KRT79: variants seen among roughly 807,000 people sequenced by gnomAD.
The protein encoded by KRT79 is keratin 79.
Under a neutral mutation model 49.0 loss-of-function variants are expected in KRT79, and 51 were observed. The ratio of observed to expected loss-of-function variants is 1.04; its 90% CI spans 0.83 to 1.31. The LOEUF (loss-of-function observed/expected upper bound fraction) is 1.31. KRT79 is among the 40% of genes most tolerant of loss of function. KRT79 has a pLI of 0.00. For missense variants in KRT79, 728 were observed against 688.0 expected, an observed-to-expected ratio of 1.06 and a Z score of -0.65; for synonymous variants, 312 against 286.6, an observed-to-expected ratio of 1.09 and a Z score of -0.90.
At chr12:52,822,163 A>G in intron 8 of KRT79, 86 bp from the exon 9 acceptor site, 1 of 1,434,968 alleles carries the variant, frequency 7.0e-7, no homozygotes, top group Non-Finnish European at 9.7e-7. Flanking sequence ...GAATCAGAAC[A>G]AAATCAAGCA....
At chr12:52,824,053 C>A (rs760308350) in intron 5 of KRT79, 41 bp from the exon 6 acceptor site, 3 of 1,613,698 alleles carry the variant, frequency 1.9e-6, no homozygotes, top group Non-Finnish European at 2.5e-6. Context: ...CAAATGGCCC[C>A]AGCCCACCCT....
At position 52,823,889 on chromosome 12, in the gene KRT79, G is replaced by T. The variant is rs377436423; in HGVS notation, c.1144C>A (p.Gln382Lys). 1.2e-6 allele frequency: 2 copies of T among 1,613,024 alleles called. No homozygotes were observed. Among genetic ancestry groups the T allele is most frequent in the Middle Eastern group, 1.8e-4 (1 of 5,672 alleles). ...CCAAGCCCCCAGTAGAGTCCCACCTGCTTCTTGGCTGCATCAGCCTCCCCC... is the reference window on the plus strand; with the variant it reads ...CCAAGCCCCCAGTAGAGTCCCACCTTCTTCTTGGCTGCATCAGCCTCCCCC... ...LQGEADAAKK[Q>K]CQQLQTAIAE... The change falls in exon 6 of 9, where the codon CAG becomes AAG. Residue 382 changes from glutamine to lysine, a missense_variant and splice_region_variant. Gln to Lys is a moderately conservative substitution (Grantham distance 53, BLOSUM62 1). Transcript: ENST00000330553.
chr12:52,823,667 G>A (rs1404720389), intron 6 of KRT79, among the ~76,000 whole-genome samples: 1 of 152,152 alleles, frequency 6.6e-6, no homozygotes, highest in Non-Finnish European at 1.5e-5. Context: ...CTTGGAGAAG[G>A]TTGTCCCACC....
Position 52,830,253 on chromosome 12 carries a change from G to A in KRT79, c.738C>T (p.Asn246=), listed in dbSNP as rs114878829. 3.8e-3 allele frequency: 6,076 copies of A among 1,614,156 alleles called. 200 individuals carry two copies. In the African/African-American group the frequency reaches 0.069, roughly 18 times the overall value. The change falls in exon 3 of 9, where the codon AAC becomes AAT. Residue 246 remains asparagine, a synonymous_variant. Coordinates refer to ENST00000330553, the MANE Select transcript of KRT79 (RefSeq NM_175834.3). ...DEINKHTAAE[N]EFVVLKKDVD... ...TCACCTTCTTGAGCACCACAAACTC[G>A]TTCTCTGCAGCAGTGTGCTTGTTGA...
At chr12:52,828,342 T>C (rs1285445585) in intron 4 of KRT79, among the ~76,000 whole-genome samples, 1 of 152,188 alleles carries the variant, frequency 6.6e-6, no homozygotes, top group Non-Finnish European at 1.5e-5. Flanking sequence ...GTTAACAGAC[T>C]AACAGTCCCT....
At chr12:52,822,211 A>G (rs745419378) in intron 8 of KRT79, 134 bp from the exon 9 acceptor site, 5 of 1,276,246 alleles carry the variant, frequency 3.9e-6, no homozygotes, top group Non-Finnish European at 3.4e-6. Context: ...GCCCAGAACT[A>G]GGACCCTCTG....
At chr12:52,822,446 T>G in intron 7 of KRT79, 67 bp from the exon 8 acceptor site, 1 of 1,081,814 alleles carries the variant, frequency 9.2e-7, no homozygotes, top group Non-Finnish European at 1.3e-6. Context: ...AACCCTCTCC[T>G]TCCCTCTGCC....
At position 52,822,329 on chromosome 12, in the gene KRT79, G is replaced by T; in HGVS notation, c.1402+16C>A. On this transcript the variant is annotated intron_variant, in intron 8 of 8. Coordinates refer to ENST00000330553, the MANE Select transcript of KRT79 (RefSeq NM_175834.3). ...CTGGCCAGGGGTGGAGCAGGAAGTGGGGAGTAAATACTCACAAATGCTGAC... is the reference window on the plus strand; with the variant it reads ...CTGGCCAGGGGTGGAGCAGGAAGTGTGGAGTAAATACTCACAAATGCTGAC... The T allele has an allele frequency of 6.2e-7, 1 of 1,605,912 alleles. No homozygotes were observed.
intron 1 of KRT79, among the ~76,000 whole-genome samples, chr12:52,832,826 G>T (rs1940274155): frequency 6.6e-6 from 1 of 152,082 alleles, no homozygotes; most frequent in Admixed American, 6.5e-5. Context: ...GTATCATCCT[G>T]GGCAAATCAC....
intron 1 of KRT79, among the ~76,000 whole-genome samples, 194 bp from the exon 2 acceptor site, chr12:52,831,820 A>T (rs1433760620): frequency 6.6e-6 from 1 of 152,190 alleles, no homozygotes; most frequent in Non-Finnish European, 1.5e-5. Context: ...TGATGGAAAG[A>T]ACTCTACCAA....
chr12:52,824,306 G>A lies in KRT79; in HGVS notation c.912C>T (p.Asp304=). 1.2e-6 allele frequency: 2 copies of A among 1,614,200 alleles called. No individual in the cohort carries two copies. Among genetic ancestry groups the A allele is most frequent in the Non-Finnish European group, 1.7e-6 (2 of 1,180,038 alleles). Residue 304 remains aspartate, a synonymous_variant, in exon 5 of 9, where the codon GAC becomes GAT. Coordinates refer to ENST00000330553, the MANE Select transcript of KRT79 (RefSeq NM_175834.3). Reference sequence around the variant, plus strand: ...TGTCCAGGTCCAGGTTGCGGTTGTTGTCCATGGACAGCACCACATTGGTGT... The same window carrying A: ...TGTCCAGGTCCAGGTTGCGGTTGTTATCCATGGACAGCACCACATTGGTGT... ...VSNTNVVLSM[D]NNRNLDLDSI... is the part of the protein sequence containing the mutation.
At chr12:52,824,849 A>T (rs1940155609) in intron 4 of KRT79, among the ~76,000 whole-genome samples, 1 of 152,194 alleles carries the variant, frequency 6.6e-6, no homozygotes. Context: ...CAAGTGAGGA[A>T]AGAGGTTTGG....
chr12:52,825,309 C>A (rs1940161433), intron 4 of KRT79, among the ~76,000 whole-genome samples: 1 of 152,222 alleles, frequency 6.6e-6, no homozygotes, highest in African/African-American at 2.4e-5. Flanking sequence ...ATATCCTGGT[C>A]TTGTCTCCAT....
In KRT79 at chr12:52,834,026, C is replaced by T. The variant is rs1940298087; in HGVS notation, c.235G>A (p.Ala79Thr). The T allele has an allele frequency of 3.7e-6, 6 of 1,613,136 alleles. No homozygotes were observed. The highest frequency in any genetic ancestry group is 1.3e-5 in the African/African-American group (1 of 74,868). ...KSISVSVAGG[A>T]LLGRALGGFG... ...CCCCCCAGAGCCCGCCCCAACAAGGCCCCTCCGGCCACACTGACAGAGATA... is the reference window on the plus strand; with the variant it reads ...CCCCCCAGAGCCCGCCCCAACAAGGTCCCTCCGGCCACACTGACAGAGATA... The change falls in exon 1 of 9, where the codon GCC becomes ACC. Residue 79 changes from alanine (A) to threonine (T), a missense_variant. Coordinates refer to ENST00000330553, the MANE Select transcript of KRT79 (RefSeq NM_175834.3).
intron 4 of KRT79, among the ~76,000 whole-genome samples, chr12:52,829,162 A>G (rs917102195): frequency 6.6e-6 from 1 of 152,146 alleles, no homozygotes; most frequent in Non-Finnish European, 1.5e-5. Context: ...TGCGGACCCT[A>G]AGAGTCTGTG....
chr12:52,830,264 C>T lies in KRT79; in HGVS notation c.727G>A (p.Ala243Thr). Residue 243 changes from alanine (A) to threonine (T), a missense_variant, in exon 3 of 9, where the codon GCT becomes ACT. Coordinates refer to ENST00000330553, the MANE Select transcript of KRT79 (RefSeq NM_175834.3). ...AGCACCACAAACTCGTTCTCTGCAG[C>T]AGTGTGCTTGTTGATTTCATCCTCG... ...KYEDEINKHTAAENEFVVLKK... is the reference protein window; with the variant it reads ...KYEDEINKHTTAENEFVVLKK... 3.1e-6 allele frequency: 5 copies of T among 1,614,256 alleles called. No homozygotes were observed. The highest frequency in any genetic ancestry group is 4.2e-6 in the Non-Finnish European group (5 of 1,180,056).
chr12:52,825,730 A>G (rs1940167106), intron 4 of KRT79, among the ~76,000 whole-genome samples: 1 of 152,228 alleles, frequency 6.6e-6, no homozygotes, highest in Non-Finnish European at 1.5e-5. Context: ...AGTCACTACA[A>G]AAACTTGTGG....
At position 52,831,631 on chromosome 12, in the gene KRT79, GC is replaced by G; in HGVS notation, c.478-6del. 1.2e-6 allele frequency: 2 copies of G among 1,612,834 alleles called. No homozygotes were observed. Among genetic ancestry groups the G allele is most frequent in the Non-Finnish European group, 8.5e-7 (1 of 1,179,006 alleles). Reference sequence around the variant, plus strand: ...CTGTTGCTCCAGGAACCGCACCTGAGCCAGAGCAGAAAGGGTGGGCTGATGT... The same window carrying G: ...CTGTTGCTCCAGGAACCGCACCTGAGCAGAGCAGAAAGGGTGGGCTGATGT... On this transcript the variant is annotated splice_region_variant and splice_polypyrimidine_tract_variant and intron_variant, in intron 1 of 8. Transcript: ENST00000330553.
chr12:52,824,571 T>C (rs1940151049), intron 4 of KRT79, among the ~76,000 whole-genome samples: 1 of 152,240 alleles, frequency 6.6e-6, no homozygotes, highest in African/African-American at 2.4e-5. Flanking sequence ...ACTTCATTTA[T>C]TTTTATGGGT....
Sources: gnomAD v4.1 joint callset for allele counts (sites outside exome capture counted in the v4.1 genomes callset) on GRCh38, gnomAD v4.1.1 for gene constraint, MANE v1.5 for transcripts, NCBI Gene and HGNC (gene_info 2026-07-23, HGNC 2026-07-21) for gene names.